Variants in B3GALT1 observed in about 807,000 individuals in gnomAD.
B3GALT1 encodes the protein beta-1,3-galactosyltransferase 1.
B3GALT1 carries 10 observed loss-of-function variants against 23.2 expected under a neutral mutation model. That is an observed-to-expected ratio of 0.43 (90% confidence interval 0.27 to 0.73). The LOEUF (loss-of-function observed/expected upper bound fraction) is 0.73, where lower values mean the gene tolerates loss of function less well. Among genes scored for constraint, B3GALT1 ranks in the 30% least tolerant of loss-of-function variants. The pLI is 0.21. For missense variants in B3GALT1, 299 were observed against 405.4 expected (o/e 0.74, Z 2.25); for synonymous variants, 156 against 141.5 (o/e 1.10, Z -0.73).
At chr2:167,839,344 A>T (rs1282352254) in intron 4 of B3GALT1, among the ~76,000 whole-genome samples, 4 of 152,080 alleles carry the variant, frequency 2.6e-5, no homozygotes, top group Non-Finnish European at 5.9e-5. Context: ...AGGATACAAA[A>T]TCAATGTACA....
chr2:167,438,975 A>G (rs1245133730), intron 1 of B3GALT1, among the ~76,000 whole-genome samples: 2 of 152,246 alleles, frequency 1.3e-5, no homozygotes, highest in African/African-American at 4.8e-5. Flanking sequence ...AAAGTGAGCA[A>G]ATGAGAGATG....
At chr2:167,589,460 C>G (rs1398732929) in intron 2 of B3GALT1, among the ~76,000 whole-genome samples, 1 of 152,040 alleles carries the variant, frequency 6.6e-6, no homozygotes, top group African/African-American at 2.4e-5. Flanking sequence ...CAAATTTGAA[C>G]CTGGCTAAAA....
chr2:167,448,925 T>A (rs939520537), intron 1 of B3GALT1, among the ~76,000 whole-genome samples: 2 of 152,188 alleles, frequency 1.3e-5, no homozygotes, highest in Non-Finnish European at 2.9e-5. Flanking sequence ...TTGGCTTTAT[T>A]TCTGGATTCC....
intron 2 of B3GALT1, among the ~76,000 whole-genome samples, chr2:167,569,029 A>G (rs947375317): frequency 6.6e-6 from 1 of 151,806 alleles, no homozygotes. Context: ...AGATCCATTG[A>G]CCATATTTAT....
At chr2:167,772,726 T>A (rs1688093070) in intron 3 of B3GALT1, among the ~76,000 whole-genome samples, 1 of 152,214 alleles carries the variant, frequency 6.6e-6, no homozygotes, top group Non-Finnish European at 1.5e-5. Flanking sequence ...TCTTTATTAA[T>A]CTTCTAAACA....
intron 1 of B3GALT1, among the ~76,000 whole-genome samples, chr2:167,354,244 GTC>G (rs752842819): frequency 3.3e-5 from 5 of 151,966 alleles, no homozygotes; most frequent in Non-Finnish European, 7.4e-5. Flanking sequence ...AATAGCTAAA[GTC>G]TCTCTTTCAA....
At chr2:167,471,543 A>G (rs1699418420) in intron 1 of B3GALT1, among the ~76,000 whole-genome samples, 1 of 152,178 alleles carries the variant, frequency 6.6e-6, no homozygotes. Context: ...AGAGTTTGGT[A>G]GATTACTATA....
intron 3 of B3GALT1, among the ~76,000 whole-genome samples, chr2:167,741,935 C>A (rs558758233): frequency 2.0e-5 from 3 of 152,108 alleles, no homozygotes; most frequent in Non-Finnish European, 4.4e-5. Context: ...ATATAATATA[C>A]CACAAGGTAT....
intron 4 of B3GALT1, among the ~76,000 whole-genome samples, chr2:167,842,844 G>T (rs1458779967): frequency 2.0e-5 from 3 of 152,092 alleles, no homozygotes; most frequent in Non-Finnish European, 2.9e-5. Context: ...CTGTATTCCA[G>T]CCTGCACAAC....
chr2:167,539,210 G>C (rs1211090600), intron 2 of B3GALT1, among the ~76,000 whole-genome samples: 1 of 151,632 alleles, frequency 6.6e-6, no homozygotes, highest in Non-Finnish European at 1.5e-5. Context: ...AACAGGATTA[G>C]AATTCTCAAA....
In B3GALT1 at chr2:167,629,311, A is replaced by G. The variant is rs985805462; in HGVS notation, c.-409-17598A>G. ...TTTTCTGAACAGGGATGAACTGGACATATTTGGCCTGAAGTTATTAAACTT... is the reference window on the plus strand; with the variant it reads ...TTTTCTGAACAGGGATGAACTGGACGTATTTGGCCTGAAGTTATTAAACTT... On this transcript the variant is annotated intron_variant, in intron 2 of 4. Transcript: ENST00000392690. 5.9e-5 allele frequency among the ~76,000 whole-genome samples: 9 copies of G among 151,876 alleles called. No individual in the cohort carries two copies. In the East Asian group the frequency reaches 1.4e-3, roughly 23 times the overall value.
chr2:167,680,943 T>G (rs1051445620), intron 3 of B3GALT1, among the ~76,000 whole-genome samples: 4 of 152,222 alleles, frequency 2.6e-5, no homozygotes, highest in Non-Finnish European at 5.9e-5. Context: ...TTTCTGTGAA[T>G]GTGTTCCAGT....
At chr2:167,703,696 A>G (rs1947192) in intron 3 of B3GALT1, among the ~76,000 whole-genome samples, 34,979 of 152,100 alleles carry the variant, frequency 0.23, 4,505 homozygotes, top group East Asian at 0.58. Context: ...AAGCTGTACT[A>G]AATCTGGAAT....
chr2:167,443,178 T>G (rs1260913652), intron 1 of B3GALT1, among the ~76,000 whole-genome samples: 52 of 151,870 alleles, frequency 3.4e-4, no homozygotes, highest in Admixed American at 3.4e-3. Context: ...AAAGATCAGA[T>G]AGTTGTAGAT....
chr2:167,811,548 A>G (rs569501546), intron 3 of B3GALT1, among the ~76,000 whole-genome samples: 1 of 152,170 alleles, frequency 6.6e-6, no homozygotes, highest in Non-Finnish European at 1.5e-5. Context: ...TACTAGGCCT[A>G]TTGCTTGCCA....
chr2:167,768,870 C>G (rs1408781853), intron 3 of B3GALT1, among the ~76,000 whole-genome samples: 1 of 152,098 alleles, frequency 6.6e-6, no homozygotes, highest in African/African-American at 2.4e-5. Flanking sequence ...AGCCAAGGTG[C>G]CTTTGAATCC....
At chr2:167,735,776 A>T (rs1015040644) in intron 3 of B3GALT1, among the ~76,000 whole-genome samples, 1 of 152,238 alleles carries the variant, frequency 6.6e-6, no homozygotes, top group African/African-American at 2.4e-5. Flanking sequence ...AGTGAAGAAT[A>T]TATTAAAATA....
At chr2:167,319,245 A>T (rs1696765737) in intron 1 of B3GALT1, among the ~76,000 whole-genome samples, 1 of 152,116 alleles carries the variant, frequency 6.6e-6, no homozygotes, top group Non-Finnish European at 1.5e-5. Context: ...CAATAGGCAG[A>T]TCTGCATGTA....
intron 2 of B3GALT1, among the ~76,000 whole-genome samples, chr2:167,599,643 G>A (rs948344493): frequency 3.3e-5 from 5 of 152,192 alleles, no homozygotes; most frequent in African/African-American, 1.2e-4. Context: ...ACCAAACTAT[G>A]TGTCAGTTTG....
Sources: allele counts gnomAD v4.1 joint callset (sites outside exome capture counted in the v4.1 genomes callset), GRCh38; gene constraint gnomAD v4.1.1; transcripts MANE v1.5; gene names NCBI Gene and HGNC (gene_info 2026-07-23, HGNC 2026-07-21).